Variants in LONRF1 observed in about 807,000 individuals in gnomAD.
LONRF1 encodes the protein LON peptidase N-terminal domain and ring finger 1.
LONRF1 carries 37 observed loss-of-function variants against 85.8 expected under a neutral mutation model. The observed-to-expected ratio is 0.43, with a 90% confidence interval of 0.33 to 0.57. The LOEUF is 0.57. Among genes scored for constraint, LONRF1 ranks in the 20% least tolerant of loss-of-function variants. LONRF1 has a pLI of 0.04. For missense variants in LONRF1, 1,036 were observed against 978.0 expected (o/e 1.06, Z -0.79); for synonymous variants, 517 against 390.1 (o/e 1.33, Z -3.83).
Position 12,754,880 on chromosome 8 carries a change from G to T in LONRF1, c.541C>A (p.Pro181Thr), listed in dbSNP as rs759517191. 6.7e-7 allele frequency: 1 copy of T among 1,494,128 alleles called. No homozygotes were observed. The highest frequency in any genetic ancestry group is 1.3e-5 in the South Asian group (1 of 79,530). 92.6% of individuals were successfully genotyped at this position (1,494,128 alleles called of 1,614,324 possible). ...GAAGCGGCGATGGCGGCGGCCAGAG[G>T]CGGCGGCCGCGGGGCGGTCCCTTCA... ...DAEGTAPRPP[P>T]LAAAIAASDF... is the part of the protein sequence containing the mutation. The change falls in exon 1 of 12, where the codon CCT becomes ACT. Residue 181 changes from proline to threonine, a missense_variant. Transcript: ENST00000398246.
chr8:12,736,599 G>T, intron 6 of LONRF1, 102 bp downstream of exon 6: 1 of 774,778 alleles, frequency 1.3e-6, no homozygotes, highest in Non-Finnish European at 2.0e-6. Flanking sequence ...TTTTATTCCA[G>T]CATTGTGTTA....
Position 12,755,368 on chromosome 8 carries a change from G to A in LONRF1, c.53C>T (p.Ala18Val), listed in dbSNP as rs1290555773. Residue 18 changes from alanine (A) to valine (V), a missense_variant, in exon 1 of 12, where the codon GCC (alanine) becomes GTC (valine). Physicochemically the swap from Ala to Val is moderately conservative, Grantham distance 64. Coordinates refer to ENST00000398246, the MANE Select transcript of LONRF1 (RefSeq NM_152271.5). ...CCGGCCTCGGCCCTGCGGCGCTGGGGCCATCTCCCGACTCCCTCCTGGGGA... is the reference window on the plus strand; with the variant it reads ...CCGGCCTCGGCCCTGCGGCGCTGGGACCATCTCCCGACTCCCTCCTGGGGA... ...RTSPGGSREMAPAPQGRGRFW... is the reference protein window; with the variant it reads ...RTSPGGSREMVPAPQGRGRFW... 22 of 1,208,466 alleles carry A rather than the reference G, an allele frequency of 1.8e-5. No individual in the cohort carries two copies. The highest frequency in any genetic ancestry group is 4.3e-5 in the Admixed American group (1 of 23,146). 74.9% of individuals were successfully genotyped at this position (1,208,466 alleles called of 1,614,324 possible). A position where few individuals can be genotyped will look rare whatever the true frequency, so the allele number is the denominator to read the frequency against.
At chr8:12,731,148 AGCT>A (rs1798514365) in intron 8 of LONRF1, among the ~76,000 whole-genome samples, 1 of 152,142 alleles carries the variant, frequency 6.6e-6, no homozygotes, top group South Asian at 2.1e-4. Context: ...CAGCTCCATC[AGCT>A]GCTGTGTTCT....
At chr8:12,732,665 T>C (rs1367501470) in intron 7 of LONRF1, among the ~76,000 whole-genome samples, 2 of 152,186 alleles carry the variant, frequency 1.3e-5, no homozygotes, top group African/African-American at 4.8e-5. Context: ...TCTTCCTTAA[T>C]TATTTTTTTC....
chr8:12,723,024 A>C lies in LONRF1; in HGVS notation c.*72T>G, dbSNP rs1440476017. On this transcript the variant is annotated 3_prime_UTR_variant, in exon 12 of 12. Coordinates refer to ENST00000398246, the MANE Select transcript of LONRF1 (RefSeq NM_152271.5). ...TTTCTGAAACCAGCACTAGATGTGC[A>C]AAGGCAGCAGACAATCTGGCCATCA... 7.2e-6 allele frequency: 10 copies of C among 1,386,266 alleles called. No individual in the cohort carries two copies. The highest frequency in any genetic ancestry group is 9.7e-6 in the Non-Finnish European group (10 of 1,027,620). The allele number at this position is 1,386,266 out of a possible 1,614,324, so 85.9% of individuals were successfully genotyped here. A position where few individuals can be genotyped will look rare whatever the true frequency, so the allele number is the denominator to read the frequency against.
intron 7 of LONRF1, 75 bp from the exon 8 acceptor site, chr8:12,731,932 A>G: frequency 7.3e-7 from 1 of 1,361,076 alleles, no homozygotes; most frequent in Non-Finnish European, 1.0e-6. Flanking sequence ...GTTAACTGAT[A>G]TATTAAAGCC....
Position 12,755,502 on chromosome 8 carries a change from G to C in LONRF1, c.-82C>G, listed in dbSNP as rs1002271514. ...GCGCGCGGCTCCGCACGCGGCCCGC[G>C]AGCAGGGGGGCGTGGCGCGCGGACA... On this transcript the variant is annotated 5_prime_UTR_variant, in exon 1 of 12. Coordinates refer to ENST00000398246, the MANE Select transcript of LONRF1 (RefSeq NM_152271.5). 34 of 688,426 alleles carry C rather than the reference G, an allele frequency of 4.9e-5. No homozygotes were observed. The Middle Eastern group carries it at 2.8e-3, about 56-fold the overall frequency. The allele number at this position is 688,426 out of a possible 1,614,324, so 42.6% of individuals were successfully genotyped here.
Position 12,754,882 on chromosome 8 carries a change from G to T in LONRF1, c.539C>A (p.Pro180Gln), listed in dbSNP as rs953141849. ...TDAEGTAPRP[P>Q]PLAAAIAASD... Reference sequence around the variant, plus strand: ...AGCGGCGATGGCGGCGGCCAGAGGCGGCGGCCGCGGGGCGGTCCCTTCAGC... The same window carrying T: ...AGCGGCGATGGCGGCGGCCAGAGGCTGCGGCCGCGGGGCGGTCCCTTCAGC... The change falls in exon 1 of 12, where the codon CCG (proline) becomes CAG (glutamine). Residue 180 changes from proline (P) to glutamine (Q), a missense_variant. By Grantham distance (76) the Pro-to-Gln change is moderately conservative. Coordinates refer to ENST00000398246, the MANE Select transcript of LONRF1 (RefSeq NM_152271.5). 10 of 1,493,742 alleles carry T rather than the reference G, an allele frequency of 6.7e-6. No homozygotes were observed. Among genetic ancestry groups the T allele is most frequent in the Non-Finnish European group, 8.0e-6 (9 of 1,126,596 alleles). 92.5% of individuals were successfully genotyped at this position (1,493,742 alleles called of 1,614,324 possible). A position where few individuals can be genotyped will look rare whatever the true frequency, so the allele number is the denominator to read the frequency against.
chr8:12,750,996 A>G (rs369923258), intron 1 of LONRF1, among the ~76,000 whole-genome samples: 1 of 152,206 alleles, frequency 6.6e-6, no homozygotes, highest in South Asian at 2.1e-4. Context: ...ACAACACCCT[A>G]TGAGGTAGAG....
chr8:12,751,613 C>T (rs1406030903), intron 1 of LONRF1, among the ~76,000 whole-genome samples: 1 of 151,218 alleles, frequency 6.6e-6, no homozygotes, highest in South Asian at 2.1e-4. Context: ...TCAAGCATTA[C>T]AGAATTAATA....
chr8:12,729,855 G>T (rs553499880), intron 8 of LONRF1, among the ~76,000 whole-genome samples: 12 of 152,232 alleles, frequency 7.9e-5, no homozygotes, highest in African/African-American at 2.9e-4. Context: ...TAATTAAAAT[G>T]ATATAACATT....
intron 1 of LONRF1, among the ~76,000 whole-genome samples, chr8:12,744,859 C>T (rs1799082649): frequency 7.7e-6 from 1 of 130,496 alleles, no homozygotes; most frequent in Non-Finnish European, 1.6e-5. Context: ...CAACAAGCAG[C>T]CCATTCTTGG....
chr8:12,744,740 A>G (rs1451180586), intron 1 of LONRF1, among the ~76,000 whole-genome samples: 1 of 152,206 alleles, frequency 6.6e-6, no homozygotes, highest in African/African-American at 2.4e-5. Flanking sequence ...TCCAGGCTAT[A>G]AAAGACTAGG....
intron 3 of LONRF1, among the ~76,000 whole-genome samples, chr8:12,739,437 G>A (rs527392404): frequency 1.3e-4 from 19 of 151,536 alleles, no homozygotes; most frequent in Admixed American, 4.6e-4. Flanking sequence ...CTACTCTACA[G>A]TGACAAAAAT....
chr8:12,754,341 G>A (rs1352746327), intron 1 of LONRF1: 4 of 180,434 alleles, frequency 2.2e-5, no homozygotes, highest in Admixed American at 1.3e-4. Flanking sequence ...GCGAGCGGCC[G>A]CTCGGGATAG....
At position 12,729,018 on chromosome 8, in the gene LONRF1, G is replaced by A. The variant is rs1798428303; in HGVS notation, c.1893C>T (p.Phe631=). 12 of 1,614,000 alleles carry A rather than the reference G, an allele frequency of 7.4e-6. No individual in the cohort carries two copies. Among genetic ancestry groups the A allele is most frequent in the Non-Finnish European group, 1.0e-5 (12 of 1,179,896 alleles). The change falls in exon 10 of 12, where the codon TTC becomes TTT. Residue 631 remains phenylalanine, a synonymous_variant. Coordinates refer to ENST00000398246, the MANE Select transcript of LONRF1 (RefSeq NM_152271.5). The stretch of plus-strand genomic sequence containing the variant: ...CAACCACAGACCTTCCGTCCGGTAA[G>A]AAATGCACGTTTCTAATTTGTAACA... ...GCMLQIRNVH[F]LPDGRSVVDT... is the part of the protein sequence containing the mutation.
intron 1 of LONRF1, among the ~76,000 whole-genome samples, chr8:12,749,587 C>T (rs1313755482): frequency 6.6e-6 from 1 of 152,022 alleles, no homozygotes; most frequent in East Asian, 1.9e-4. Flanking sequence ...AACTAGAAAT[C>T]TAAGATAATT....
At chr8:12,738,305 C>T (rs956318400) in intron 3 of LONRF1, among the ~76,000 whole-genome samples, 161 bp from the exon 4 acceptor site, 2 of 151,988 alleles carry the variant, frequency 1.3e-5, no homozygotes, top group African/African-American at 2.4e-5. Flanking sequence ...GTTCAAAAGT[C>T]TTGCAAAATT....
At chr8:12,731,563 G>A (rs1418371945) in intron 8 of LONRF1, among the ~76,000 whole-genome samples, 173 bp downstream of exon 8, 7 of 151,820 alleles carry the variant, frequency 4.6e-5, no homozygotes, top group East Asian at 1.9e-4. Context: ...TAAAACATCC[G>A]GATGTTACCA....
Sources: allele counts gnomAD v4.1 joint callset (sites outside exome capture counted in the v4.1 genomes callset), GRCh38; gene constraint gnomAD v4.1.1; transcripts MANE v1.5; gene names NCBI Gene and HGNC (gene_info 2026-07-23, HGNC 2026-07-21).